WDR53: variants seen among roughly 807,000 people sequenced by gnomAD.
WDR53 encodes WD repeat-containing protein 53.
A neutral mutation model predicts 21.3 loss-of-function variants in WDR53; 19 were observed. That is an observed-to-expected ratio of 0.89 (90% confidence interval 0.62 to 1.31). The LOEUF is 1.31. WDR53 is among the 50% of genes most tolerant of loss of function. WDR53 has a pLI of 0.00. For synonymous variants in WDR53, 157 were observed against 163.4 expected (o/e 0.96, Z 0.30); for missense variants, 374 against 423.2 (o/e 0.88, Z 1.02).
intron 2 of WDR53, among the ~76,000 whole-genome samples, chr3:196,563,318 G>A (rs1242778954): frequency 6.6e-6 from 1 of 152,298 alleles, no homozygotes; most frequent in East Asian, 1.9e-4. Flanking sequence ...GTGCCCGCCT[G>A]CTGGTCAAGG....
chr3:196,564,440 C>A (rs1407393095), intron 2 of WDR53, among the ~76,000 whole-genome samples: 1 of 143,260 alleles, frequency 7.0e-6, no homozygotes, highest in East Asian at 2.0e-4. Context: ...GTCATGCAGG[C>A]CTTGACCTCC....
chr3:196,566,249 C>T (rs917308550), intron 2 of WDR53, among the ~76,000 whole-genome samples: 3 of 151,856 alleles, frequency 2.0e-5, no homozygotes, highest in Admixed American at 6.6e-5. Context: ...ACCACCACGC[C>T]CAGCTAATTA....
chr3:196,557,414 C>A (rs1312523755), intron 3 of WDR53, among the ~76,000 whole-genome samples: 1 of 152,116 alleles, frequency 6.6e-6, no homozygotes, highest in Non-Finnish European at 1.5e-5. Flanking sequence ...GGTGTGTCGG[C>A]TTGTGCCTGT....
chr3:196,567,320 A>C lies in WDR53; in HGVS notation c.-447-13T>G, dbSNP rs1188015263. 6.7e-6 allele frequency: 3 copies of C among 445,414 alleles called. No individual in the cohort carries two copies. Among genetic ancestry groups the C allele is most frequent in the Non-Finnish European group, 1.3e-5 (3 of 222,406 alleles). The allele number at this position is 445,414 out of a possible 1,614,324, so 27.6% of individuals were successfully genotyped here. ...TGTGGCGCTGGCACTGGTAAGAATG[A>C]AAAGAATTAGGGTTACTGGACTTGG... On this transcript the variant is annotated splice_polypyrimidine_tract_variant and intron_variant, in intron 1 of 3. Coordinates refer to ENST00000332629, the MANE Select transcript of WDR53 (RefSeq NM_182627.3).
chr3:196,563,951 G>A (rs145864470), intron 2 of WDR53, among the ~76,000 whole-genome samples: 27 of 152,258 alleles, frequency 1.8e-4, no homozygotes, highest in African/African-American at 6.3e-4. Flanking sequence ...CAAGGTAACG[G>A]AAACGTGATC....
intron 1 of WDR53, 189 bp downstream of exon 1, chr3:196,568,330 G>A (rs1050721634): frequency 2.0e-5 from 3 of 152,526 alleles, no homozygotes; most frequent in Admixed American, 2.0e-4. Context: ...GGCAAGCAAG[G>A]AGAGAAAAGT....
chr3:196,557,218 C>A (rs991119955), intron 3 of WDR53, among the ~76,000 whole-genome samples: 1 of 152,220 alleles, frequency 6.6e-6, no homozygotes, highest in Non-Finnish European at 1.5e-5. Flanking sequence ...AAAAACATTT[C>A]TTTCCACATA....
chr3:196,562,887 C>G (rs1735013408), intron 2 of WDR53, among the ~76,000 whole-genome samples: 1 of 152,202 alleles, frequency 6.6e-6, no homozygotes, highest in Non-Finnish European at 1.5e-5. Context: ...GGCTGCAGTG[C>G]AGTGGCACAA....
At chr3:196,561,618 T>G in intron 2 of WDR53, 127 bp from the exon 3 acceptor site, 1 of 990,930 alleles carries the variant, frequency 1.0e-6, no homozygotes, top group Non-Finnish European at 1.4e-6. Context: ...AAAACTCAAT[T>G]AATTAAAAAA....
chr3:196,557,855 G>GCAACCT (rs1163703489), intron 3 of WDR53, among the ~76,000 whole-genome samples: 1 of 146,494 alleles, frequency 6.8e-6, no homozygotes, highest in African/African-American at 2.5e-5. Flanking sequence ...TTGGCTCACT[G>GCAACCT]CAACCTCAAC....
intron 3 of WDR53, among the ~76,000 whole-genome samples, chr3:196,556,174 T>C (rs1734297272): frequency 1.3e-5 from 2 of 152,064 alleles, no homozygotes; most frequent in South Asian, 4.1e-4. Flanking sequence ...GCCTCCCAAG[T>C]AGATGGGACT....
At position 196,561,137 on chromosome 3, in the gene WDR53, G is replaced by GCAA; in HGVS notation, c.338_339insTTG (p.Asp113_Asp114insCys). 3 of 1,614,186 alleles carry GCAA rather than the reference G, an allele frequency of 1.9e-6. No individual in the cohort carries two copies. Among genetic ancestry groups the GCAA allele is most frequent in the Non-Finnish European group, 2.5e-6 (3 of 1,180,036 alleles). The stretch of plus-strand genomic sequence containing the variant: ...CTAGGATTTTGATTGCCCCAGAGTC[G>GCAA]TCAGCAGAAGCCAGCAGGTTTTCCG... On this transcript the variant is annotated inframe_insertion, in exon 3 of 4. Coordinates refer to ENST00000332629, the MANE Select transcript of WDR53 (RefSeq NM_182627.3).
chr3:196,563,353 T>C (rs184410339), intron 2 of WDR53, among the ~76,000 whole-genome samples: 34 of 152,294 alleles, frequency 2.2e-4, no homozygotes, highest in African/African-American at 7.7e-4. Context: ...GGGCAATTTA[T>C]ACAACTCTAA....
rs569905184 is a variant in WDR53 at position 196,564,989 on chromosome 3, A to G, written c.-17+1888T>C. Among the ~76,000 whole-genome samples, 34 of 152,318 alleles carry G rather than the reference A, an allele frequency of 2.2e-4. No individual in the cohort carries two copies. In the East Asian group the frequency reaches 6.2e-3, roughly 28 times the overall value. On this transcript the variant is annotated intron_variant, in intron 2 of 3. Transcript: ENST00000332629. The stretch of plus-strand genomic sequence containing the variant: ...CTAGAAAAGATTAACTCAATCTTCA[A>G]GGTTCATTCAGTTAAGTTTTGCTCC...
intron 3 of WDR53, among the ~76,000 whole-genome samples, chr3:196,559,362 T>C (rs775145108): frequency 6.6e-5 from 10 of 152,032 alleles, no homozygotes; most frequent in Non-Finnish European, 4.4e-5. Flanking sequence ...GTAGAGTGAG[T>C]CTCAACCCAG....
intron 3 of WDR53, among the ~76,000 whole-genome samples, chr3:196,557,192 C>A (rs9817377): frequency 0.4 from 60,611 of 152,040 alleles, 12,610 homozygotes; most frequent in Middle Eastern, 0.5. Context: ...CCTTTCAAAA[C>A]AAATTCCCCT....
At chr3:196,555,244 C>T (rs1225821094) in intron 3 of WDR53, among the ~76,000 whole-genome samples, 1 of 152,224 alleles carries the variant, frequency 6.6e-6, no homozygotes, top group African/African-American at 2.4e-5. Flanking sequence ...GAATGCCTTC[C>T]TTTCCTTTCA....
intron 1 of WDR53, among the ~76,000 whole-genome samples, chr3:196,568,206 C>T (rs1735617734): frequency 6.6e-6 from 1 of 152,150 alleles, no homozygotes; most frequent in South Asian, 2.1e-4. Context: ...TGCGAAGGCA[C>T]ACAGGGACAG....
chr3:196,560,988 A>G lies in WDR53; in HGVS notation c.480+8T>C. 1 of 1,604,770 alleles carries G rather than the reference A, an allele frequency of 6.2e-7. No individual in the cohort carries two copies. Among genetic ancestry groups the G allele is most frequent in the Non-Finnish European group, 8.5e-7 (1 of 1,175,346 alleles). ...AAATTCCCCAAGTACTCTGTGCAAA[A>G]GCATCACCTGCATATCCAGTCCACA... On this transcript the variant is annotated splice_region_variant and intron_variant, in intron 3 of 3. Coordinates refer to ENST00000332629, the MANE Select transcript of WDR53 (RefSeq NM_182627.3).
Sources: gnomAD v4.1 joint callset for allele counts (sites outside exome capture counted in the v4.1 genomes callset) on GRCh38, gnomAD v4.1.1 for gene constraint, MANE v1.5 for transcripts, NCBI Gene and HGNC (gene_info 2026-07-23, HGNC 2026-07-21) for gene names.